The following CSMD1 variants were observed in gnomAD, a reference collection of about 807,000 sequenced individuals.
The protein encoded by CSMD1 is CUB and Sushi multiple domains 1.
A neutral mutation model predicts 417.5 loss-of-function variants in CSMD1; 213 were observed. The observed-to-expected ratio is 0.51, with a 90% CI of 0.46 to 0.57. CSMD1 has a LOEUF of 0.57. CSMD1 is among the 20% of genes least tolerant of loss of function. The probability of loss-of-function intolerance (pLI) is 0.00; values close to 1 mark genes in which losing one functional copy is unlikely to be tolerated. For synonymous variants in CSMD1, 2,862 were observed against 1,736.8 expected, an observed-to-expected ratio of 1.65 and a Z score of -16.11; for missense variants, 6,923 against 4,529.7, an observed-to-expected ratio of 1.53 and a Z score of -15.17.
intron 5 of CSMD1, among the ~76,000 whole-genome samples, chr8:3,844,850 AT>A (rs1461036472): frequency 6.6e-6 from 1 of 152,174 alleles, no homozygotes; most frequent in African/African-American, 2.4e-5. Context: ...GAAGGGAAAA[AT>A]GTCTCTTAAA....
At chr8:3,001,360 C>T (rs572097990) in intron 52 of CSMD1, among the ~76,000 whole-genome samples, 38 of 152,110 alleles carry the variant, frequency 2.5e-4, no homozygotes, top group Non-Finnish European at 4.9e-4. Flanking sequence ...TCTTTCCTTT[C>T]CTCCAACTTC....
intron 3 of CSMD1, among the ~76,000 whole-genome samples, chr8:4,077,506 T>A (rs1799896933): frequency 6.6e-6 from 1 of 151,970 alleles, no homozygotes; most frequent in South Asian, 2.1e-4. Flanking sequence ...CTTGCATTGT[T>A]TAACTTTTTT....
chr8:3,938,080 A>C (rs1250941330), intron 5 of CSMD1, among the ~76,000 whole-genome samples: 3 of 152,150 alleles, frequency 2.0e-5, no homozygotes, highest in Non-Finnish European at 2.9e-5. Flanking sequence ...ATTACACAGG[A>C]TCGTGTAGTA....
At position 3,714,061 on chromosome 8, in the gene CSMD1, T is replaced by TAGATAGAC. The variant is rs55760201; in HGVS notation, c.932-5571_932-5570insGTCTATCT. ...ATAGATAGATAGATAGATAGATAGA[T>TAGATAGAC]GTCCACATACACACATATGTATATA... On this transcript the variant is annotated intron_variant, in intron 6 of 69. Coordinates refer to ENST00000635120, the MANE Select transcript of CSMD1 (RefSeq NM_033225.6). 2.0e-5 allele frequency among the ~76,000 whole-genome samples: 3 copies of TAGATAGAC among 150,768 alleles called. No individual in the cohort carries two copies. In the South Asian group the frequency reaches 6.3e-4, roughly 32 times the overall value.
intron 25 of CSMD1, among the ~76,000 whole-genome samples, chr8:3,297,056 C>G (rs976422140): frequency 6.6e-6 from 1 of 152,258 alleles, no homozygotes; most frequent in Non-Finnish European, 1.5e-5. Flanking sequence ...TTCTGAAGTA[C>G]CTGGTCACAT....
intron 7 of CSMD1, among the ~76,000 whole-genome samples, chr8:3,688,760 C>G (rs1283394074): frequency 6.6e-6 from 1 of 152,032 alleles, no homozygotes; most frequent in African/African-American, 2.4e-5. Context: ...GAAACTGTAG[C>G]ATAATACGGA....
rs548206161 is a variant in CSMD1 at position 4,514,026 on chromosome 8, A to G, written c.303-93961T>C. 1.6e-3 allele frequency among the ~76,000 whole-genome samples: 251 copies of G among 152,318 alleles called. 1 individual carries two copies. Among genetic ancestry groups the G allele is most frequent in the African/African-American group, 5.8e-3 (241 of 41,578 alleles). On this transcript the variant is annotated intron_variant, in intron 2 of 69. Transcript: ENST00000635120. ...TTTGTGTTAGTCAGCTCAGACTGCC[A>G]TAATGAAATACCACAAACTAGGTAG...
chr8:4,392,193 G>T (rs1007300681), intron 3 of CSMD1, among the ~76,000 whole-genome samples: 1 of 152,138 alleles, frequency 6.6e-6, no homozygotes, highest in African/African-American at 2.4e-5. Flanking sequence ...AAGTCTTGAG[G>T]TTGCTTTTTA....
chr8:3,791,513 G>A (rs879354060), intron 5 of CSMD1, among the ~76,000 whole-genome samples: 11 of 152,124 alleles, frequency 7.2e-5, no homozygotes, highest in Non-Finnish European at 1.6e-4. Flanking sequence ...TACAACAAGG[G>A]TATGGACAAT....
At chr8:4,784,530 T>C (rs181404097) in intron 1 of CSMD1, among the ~76,000 whole-genome samples, 1 of 152,226 alleles carries the variant, frequency 6.6e-6, no homozygotes, top group Admixed American at 6.5e-5. Context: ...AGACAGACCC[T>C]TTAGTGTTTT....
chr8:4,453,780 C>T (rs961274558), intron 2 of CSMD1, among the ~76,000 whole-genome samples: 2 of 150,098 alleles, frequency 1.3e-5, no homozygotes, highest in Non-Finnish European at 3.0e-5. Flanking sequence ...TCAGCTTTCA[C>T]CCAGGTTCCC....
At chr8:4,753,371 G>C (rs6558912) in intron 1 of CSMD1, among the ~76,000 whole-genome samples, 65,170 of 150,916 alleles carry the variant, frequency 0.43, 15,135 homozygotes, top group East Asian at 0.62. Context: ...TGTAAGGTCT[G>C]TTTTTGTCTC....
chr8:4,258,308 T>TGAGGGAGGAGAGGGAGAAAGAGAGG (rs1563347870), intron 3 of CSMD1, among the ~76,000 whole-genome samples: 54 of 72,080 alleles, frequency 7.5e-4, no homozygotes, highest in African/African-American at 3.5e-3. Context: ...AGAAAGAGAG[T>TGAGGGAGGAGAGGGAGAAAGAGAGG]GAGGGAGGAG....
At chr8:3,110,389 G>A in intron 42 of CSMD1, 54 bp from the exon 43 acceptor site, 2 of 1,437,368 alleles carry the variant, frequency 1.4e-6, no homozygotes, top group Non-Finnish European at 9.2e-7. Flanking sequence ...TTAGAGAGTA[G>A]AAAGCTAAAT....
chr8:3,165,413 T>C (rs1165468806), intron 37 of CSMD1, among the ~76,000 whole-genome samples: 1 of 151,728 alleles, frequency 6.6e-6, no homozygotes, highest in Non-Finnish European at 1.5e-5. Context: ...GGTTTTTAAT[T>C]TTTATTTTTT....
chr8:3,695,713 G>T (rs987707492), intron 7 of CSMD1, among the ~76,000 whole-genome samples: 4 of 152,144 alleles, frequency 2.6e-5, no homozygotes, highest in African/African-American at 9.6e-5. Context: ...TACTAAAACA[G>T]CAGTTTGGCT....
rs112027566 is a variant in CSMD1 at position 4,171,308 on chromosome 8, C to A, written c.416-139209G>T. 8.9e-3 allele frequency among the ~76,000 whole-genome samples: 1,353 copies of A among 152,020 alleles called. 47 individuals are homozygous for A. The highest frequency in any genetic ancestry group is 0.031 in the African/African-American group (1,260 of 41,298). On this transcript the variant is annotated intron_variant, in intron 3 of 69. Coordinates refer to ENST00000635120, the MANE Select transcript of CSMD1 (RefSeq NM_033225.6). ...TTATTGTAAGCAACCCTACGCCAGG[C>A]TGTTTTCCAGGTGTAGGGATTACAG...
At chr8:4,951,636 G>A (rs958808061) in intron 1 of CSMD1, among the ~76,000 whole-genome samples, 3 of 151,404 alleles carry the variant, frequency 2.0e-5, no homozygotes, top group Admixed American at 6.6e-5. Context: ...ATGACTTCTG[G>A]GACTGTGAAA....
At chr8:4,220,460 G>A (rs548636217) in intron 3 of CSMD1, among the ~76,000 whole-genome samples, 1 of 152,190 alleles carries the variant, frequency 6.6e-6, no homozygotes, top group African/African-American at 2.4e-5. Context: ...GCAGTGAGAA[G>A]ACCTCATGCA....
Sources: allele counts gnomAD v4.1 joint callset (sites outside exome capture counted in the v4.1 genomes callset), GRCh38; gene constraint gnomAD v4.1.1; transcripts MANE v1.5; gene names NCBI Gene and HGNC (gene_info 2026-07-23, HGNC 2026-07-21).